Variants in HIF3A observed in about 807,000 individuals in gnomAD.
HIF3A encodes the protein hypoxia-inducible factor 3-alpha.
Under a neutral mutation model 67.2 loss-of-function variants are expected in HIF3A, and 41 were observed. That is an observed-to-expected ratio of 0.61 (90% CI 0.48 to 0.79). The LOEUF is 0.79. Among genes scored for constraint, HIF3A ranks in the 30% least tolerant of loss-of-function variants. The pLI is 0.00. For synonymous variants in HIF3A, 356 were observed against 374.8 expected, an observed-to-expected ratio of 0.95 and a Z score of 0.58; for missense variants, 855 against 898.0, an observed-to-expected ratio of 0.95 and a Z score of 0.61.
chr19:46,303,557 C>T (rs1968517532), intron 1 of HIF3A: 1 of 1,477,492 alleles, frequency 6.8e-7, no homozygotes, highest in Admixed American at 2.3e-5. Flanking sequence ...AGCAGGGGCC[C>T]TCCCTGTCCC....
intron 6 of HIF3A, among the ~76,000 whole-genome samples, chr19:46,310,868 A>G (rs1969369547): frequency 6.6e-6 from 1 of 152,094 alleles, no homozygotes; most frequent in East Asian, 1.9e-4. Context: ...CACCTGCCTC[A>G]GCCTCCCGAG....
intron 8 of HIF3A, among the ~76,000 whole-genome samples, chr19:46,313,538 G>A (rs1969660262): frequency 6.7e-6 from 1 of 150,058 alleles, no homozygotes; most frequent in African/African-American, 2.4e-5. Context: ...TTTGCATATG[G>A]TAAATTCTCT....
At chr19:46,318,303 C>T (rs1970078689) in intron 8 of HIF3A, among the ~76,000 whole-genome samples, 1 of 151,492 alleles carries the variant, frequency 6.6e-6, no homozygotes, top group Non-Finnish European at 1.5e-5. Context: ...CATGGTAACT[C>T]ACACCTGTAA....
intron 1 of HIF3A, among the ~76,000 whole-genome samples, chr19:46,303,194 A>G (rs912930732): frequency 1.1e-3 from 171 of 152,204 alleles, no homozygotes; most frequent in African/African-American, 4.1e-3. Context: ...ACAAAATAGT[A>G]AAAGCTGGAT....
intron 10 of HIF3A, among the ~76,000 whole-genome samples, chr19:46,324,963 T>TAC (rs144306130): frequency 1.2e-3 from 158 of 133,032 alleles, no homozygotes; most frequent in Admixed American, 1.6e-3. Flanking sequence ...TATATACACA[T>TAC]ACACACACAC....
intron 12 of HIF3A, among the ~76,000 whole-genome samples, chr19:46,330,257 G>C (rs1302166587): frequency 1.3e-5 from 2 of 152,186 alleles, no homozygotes; most frequent in East Asian, 3.8e-4. Flanking sequence ...AATGAATATA[G>C]TTGGCACTTT....
At chr19:46,329,594 C>T in intron 12 of HIF3A, 116 bp downstream of exon 12, 1 of 1,290,064 alleles carries the variant, frequency 7.8e-7, no homozygotes, top group South Asian at 1.8e-5. Flanking sequence ...CTGCTCCAGC[C>T]AGGCCCTCGG....
At chr19:46,334,879 G>T (rs746635283) in intron 13 of HIF3A, 26 bp from the exon 14 acceptor site, 2 of 1,573,684 alleles carry the variant, frequency 1.3e-6, no homozygotes, top group African/African-American at 2.7e-5. Context: ...GATGATGATG[G>T]TGGTGGCTTT....
chr19:46,303,935 G>A lies in HIF3A; in HGVS notation c.64G>A (p.Ala22Thr). 4 of 1,608,504 alleles carry A rather than the reference G, an allele frequency of 2.5e-6. No homozygotes were observed. The South Asian group carries it at 3.3e-5, about 13-fold the overall frequency. Residue 22 changes from alanine to threonine, a missense_variant, in exon 2 of 15, where the codon GCG (alanine) becomes ACG (threonine). Coordinates refer to ENST00000377670, the MANE Select transcript of HIF3A (RefSeq NM_152795.4). ...GCTGCGCAAGGAAAAGTCCCGGGAT[G>A]CGGCCCGCAGCCGGCGCAGCCAGGA... ...TELRKEKSRD[A>T]ARSRRSQETE... is the part of the protein sequence containing the mutation.
chr19:46,339,344 C>T (rs185198967), intron 14 of HIF3A, among the ~76,000 whole-genome samples, 181 bp from the exon 15 acceptor site: 1 of 152,354 alleles, frequency 6.6e-6, no homozygotes, highest in Admixed American at 6.5e-5. Flanking sequence ...AGTGTGCTCT[C>T]ATGGCAACTA....
chr19:46,298,618 T>C, intron 1 of HIF3A: 1 of 898,006 alleles, frequency 1.1e-6, no homozygotes, highest in Non-Finnish European at 1.5e-6. Flanking sequence ...CCCTGGTGGG[T>C]ACGGCTTGCA....
chr19:46,305,419 G>A (rs781616552), intron 3 of HIF3A, 29 bp downstream of exon 3: 1 of 1,607,934 alleles, frequency 6.2e-7, no homozygotes, highest in East Asian at 2.2e-5. Flanking sequence ...TCTGTGCCTG[G>A]CCCTGTACTG....
chr19:46,329,996 AGT>A (rs1174014356), intron 12 of HIF3A, among the ~76,000 whole-genome samples: 6 of 127,904 alleles, frequency 4.7e-5, no homozygotes, highest in Non-Finnish European at 6.5e-5. Flanking sequence ...AGAGAGAGAG[AGT>A]GAAGAGAGAG....
In HIF3A at chr19:46,312,243, G is replaced by A; in HGVS notation, c.853G>A (p.Ala285Thr). The A allele has an allele frequency of 3.1e-6, 5 of 1,613,876 alleles. No individual in the cohort carries two copies. Among genetic ancestry groups the A allele is most frequent in the East Asian group, 2.2e-5 (1 of 44,870 alleles). Residue 285 changes from alanine to threonine, a missense_variant, in exon 7 of 15, where the codon GCG (alanine) becomes ACG (threonine). Physicochemically the swap from Ala to Thr is moderately conservative, Grantham distance 58. Coordinates refer to ENST00000377670, the MANE Select transcript of HIF3A (RefSeq NM_152795.4). ...YEYIHALDSD[A>T]VSKSIHTLLS... The stretch of plus-strand genomic sequence containing the variant: ...GTACATCCACGCGCTGGACTCCGAT[G>A]CGGTCAGCAAGAGCATCCACACCTG...
At chr19:46,304,268 C>A (rs553388162) in intron 2 of HIF3A, 180 bp downstream of exon 2, 1 of 603,514 alleles carries the variant, frequency 1.7e-6, no homozygotes, top group Non-Finnish European at 2.9e-6. Context: ...GGCCCCGCCC[C>A]CTTTGAGTTC....
At chr19:46,329,004 G>A in intron 11 of HIF3A, 1 of 466,082 alleles carries the variant, frequency 2.1e-6, no homozygotes, top group African/African-American at 2.0e-5. Flanking sequence ...GATTACAGGT[G>A]TGAGCTACCA....
rs899108898 is a variant in HIF3A, at chr19:46,308,205, C to A, written c.364-16C>A. 4 of 1,592,802 alleles carry A rather than the reference C, an allele frequency of 2.5e-6. No individual in the cohort carries two copies. Among genetic ancestry groups the A allele is most frequent in the South Asian group, 1.1e-5 (1 of 90,638 alleles). On this transcript the variant is annotated splice_polypyrimidine_tract_variant and intron_variant, in intron 3 of 14. Coordinates refer to ENST00000377670, the MANE Select transcript of HIF3A (RefSeq NM_152795.4). ...CAGAAGCCCTGGTAGACCCCCACCC[C>A]TCTCATCCCTGGCAGCTGGAGCTCA... is the stretch of plus-strand genomic sequence containing the variant.
In HIF3A at chr19:46,304,246, C is replaced by G. The variant is rs923531410; in HGVS notation, c.217+158C>G. The G allele has an allele frequency of 2.5e-5, 16 of 639,832 alleles. No homozygotes were observed. In the African/African-American group the frequency reaches 2.6e-4, roughly 10 times the overall value. 39.6% of individuals were successfully genotyped at this position (639,832 alleles called of 1,614,324 possible). On this transcript the variant is annotated intron_variant, in intron 2 of 14. Coordinates refer to ENST00000377670, the MANE Select transcript of HIF3A (RefSeq NM_152795.4). ...CGGAGCCCCACCCCCCTGGAATCGACTTCCCCGGGGAGGCCCCGCCCCCTT... is the reference window on the plus strand; with the variant it reads ...CGGAGCCCCACCCCCCTGGAATCGAGTTCCCCGGGGAGGCCCCGCCCCCTT...
chr19:46,325,683 T>C (rs1398480269), intron 11 of HIF3A, 44 bp downstream of exon 11: 1 of 1,342,906 alleles, frequency 7.4e-7, no homozygotes, highest in Non-Finnish European at 1.1e-6. Context: ...CCCTGTGTTC[T>C]GGGGATTCAC....
Sources: gnomAD v4.1 joint callset for allele counts (sites outside exome capture counted in the v4.1 genomes callset) on GRCh38, gnomAD v4.1.1 for gene constraint, MANE v1.5 for transcripts, NCBI Gene and HGNC (gene_info 2026-07-23, HGNC 2026-07-21) for gene names.